Variants in PCDHGB1 observed in about 807,000 individuals in gnomAD.
PCDHGB1 encodes protocadherin gamma subfamily B, 1.
PCDHGB1 carries 34 observed loss-of-function variants against 56.6 expected under a neutral mutation model. The ratio of observed to expected loss-of-function variants is 0.60; its 90% confidence interval spans 0.46 to 0.80. The LOEUF (loss-of-function observed/expected upper bound fraction) is 0.80, where lower values mean the gene tolerates loss of function less well. PCDHGB1 is among the 30% of genes least tolerant of loss of function. PCDHGB1 has a pLI of 0.00. For synonymous variants in PCDHGB1, 561 were observed against 505.9 expected, an observed-to-expected ratio of 1.11 and a Z score of -1.46; for missense variants, 1,278 against 1,204.6, an observed-to-expected ratio of 1.06 and a Z score of -0.90.
At chr5:141,415,574 A>G (rs1168111069) in intron 1 of PCDHGB1, 3 of 1,614,066 alleles carry the variant, frequency 1.9e-6, no homozygotes, top group Non-Finnish European at 8.5e-7. Flanking sequence ...TTGTTAGATG[A>G]TTCGAAGTTT....
chr5:141,355,683 T>G (rs1759935832), intron 1 of PCDHGB1: 1 of 1,613,894 alleles, frequency 6.2e-7, no homozygotes, highest in East Asian at 2.2e-5. Context: ...TTGATCCGGA[T>G]GTAGGTGTAA....
intron 1 of PCDHGB1, chr5:141,396,409 A>C (rs2093377043): frequency 6.6e-6 from 1 of 152,270 alleles, no homozygotes; most frequent in Non-Finnish European, 1.5e-5. Context: ...ACCTGAGGTC[A>C]GGAGTTCAAG....
chr5:141,389,361 G>T (rs1460945767), intron 1 of PCDHGB1: 1 of 1,613,880 alleles, frequency 6.2e-7, no homozygotes, highest in South Asian at 1.1e-5. Context: ...CATGGCCAGT[G>T]ACCTGGAGCA....
At chr5:141,364,797 T>C in intron 1 of PCDHGB1, 1 of 1,613,994 alleles carries the variant, frequency 6.2e-7, no homozygotes, top group Non-Finnish European at 8.5e-7. Context: ...GTGCTTCCCT[T>C]CGCGCGGGAT....
At position 141,430,859 on chromosome 5, in the gene PCDHGB1, T is replaced by G. The variant is rs770543752; in HGVS notation, c.2410-63948T>G. The stretch of plus-strand genomic sequence containing the variant: ...GACCGGATGCACCCAGATACGCTAT[T>G]CAGTTCCGGAAGAGCTGGAGAAAGG... On this transcript the variant is annotated intron_variant, in intron 1 of 3. Transcript: ENST00000523390. 5.0e-6 allele frequency: 8 copies of G among 1,592,398 alleles called. No homozygotes were observed. The East Asian group carries it at 1.6e-4, about 31-fold the overall frequency.
At position 141,419,393 on chromosome 5, in the gene PCDHGB1, G is replaced by C; in HGVS notation, c.2409+66724G>C. On this transcript the variant is annotated intron_variant, in intron 1 of 3. Transcript: ENST00000523390. ...CTACGTGTCCGTGAGCGCGCAGAGC[G>C]GGGTGGTGTTCGCGCAGCGCGCCTT... 1.2e-6 allele frequency: 2 copies of C among 1,613,620 alleles called. No homozygotes were observed. The highest frequency in any genetic ancestry group is 1.7e-6 in the Non-Finnish European group (2 of 1,179,912).
At position 141,383,174 on chromosome 5, in the gene PCDHGB1, G is replaced by C. The variant is rs771829169; in HGVS notation, c.2409+30505G>C. The C allele has an allele frequency of 1.1e-5, 18 of 1,613,966 alleles. No individual in the cohort carries two copies. Among genetic ancestry groups the C allele is most frequent in the Non-Finnish European group, 1.3e-5 (15 of 1,179,984 alleles). On this transcript the variant is annotated intron_variant, in intron 1 of 3. Coordinates refer to ENST00000523390, the MANE Select transcript of PCDHGB1 (RefSeq NM_018922.3). ...TTGGTCACTGCGGGCAGGATAGACC[G>C]GGAAGAGATCTGCGCTCAGAGTGCG...
intron 1 of PCDHGB1, chr5:141,408,648 G>A: frequency 2.5e-6 from 4 of 1,613,922 alleles, no homozygotes; most frequent in South Asian, 2.2e-5. Flanking sequence ...GCATCCGCTG[G>A]TACACGACTA....
At position 141,454,796 on chromosome 5, in the gene PCDHGB1, ATTT is replaced by A. The variant is rs61612330; in HGVS notation, c.2410-39984_2410-39982del. On this transcript the variant is annotated intron_variant, in intron 1 of 3. Coordinates refer to ENST00000523390, the MANE Select transcript of PCDHGB1 (RefSeq NM_018922.3). ...AAGGAAATAATCCTCCATGGTTCTA[ATTT>A]TTTTTTTTTTTTTTTTTTTTTTTTT... is the stretch of plus-strand genomic sequence containing the variant. 8.4e-3 allele frequency among the ~76,000 whole-genome samples: 651 copies of A among 77,268 alleles called. 2 individuals are homozygous for A. Among genetic ancestry groups the A allele is most frequent in the African/African-American group, 0.012 (206 of 16,834 alleles). The allele number at this position is 77,268 out of a possible 152,430, so 50.7% of individuals were successfully genotyped here. A position where few individuals can be genotyped will look rare whatever the true frequency, so the allele number is the denominator to read the frequency against.
In PCDHGB1 at chr5:141,482,160, T is replaced by C. The variant is rs577572891; in HGVS notation, c.2410-12647T>C. Reference sequence around the variant, plus strand: ...GCATAAAAAGGTCAAGTCAAAGATATGTAAGATTAAGGCTTTACGATGCTC... The same window carrying C: ...GCATAAAAAGGTCAAGTCAAAGATACGTAAGATTAAGGCTTTACGATGCTC... On this transcript the variant is annotated intron_variant, in intron 1 of 3. Coordinates refer to ENST00000523390, the MANE Select transcript of PCDHGB1 (RefSeq NM_018922.3). 1.6e-4 allele frequency among the ~76,000 whole-genome samples: 25 copies of C among 151,966 alleles called. No homozygotes were observed. In the South Asian group the frequency reaches 4.0e-3, roughly 24 times the overall value.
chr5:141,421,374 C>G, intron 1 of PCDHGB1: 1 of 1,614,062 alleles, frequency 6.2e-7, no homozygotes, highest in Non-Finnish European at 8.5e-7. Context: ...TGGGCAATAT[C>G]TCCAAGGACC....
At chr5:141,474,998 T>C (rs1029967243) in intron 1 of PCDHGB1, among the ~76,000 whole-genome samples, 1 of 152,260 alleles carries the variant, frequency 6.6e-6, no homozygotes, top group Non-Finnish European at 1.5e-5. Context: ...CAATTCTAAA[T>C]GCAGAAAAGT....
At position 141,405,317 on chromosome 5, in the gene PCDHGB1, G is replaced by A. The variant is rs1443108777; in HGVS notation, c.2409+52648G>A. ...CAGCCAGCAGAGCTGTGAGAAAAAT[G>A]AGCCTTTGTGCGTCTCTGTTGATTC... On this transcript the variant is annotated intron_variant, in intron 1 of 3. Coordinates refer to ENST00000523390, the MANE Select transcript of PCDHGB1 (RefSeq NM_018922.3). 2.5e-6 allele frequency: 4 copies of A among 1,614,080 alleles called. No individual in the cohort carries two copies. The African/African-American group carries it at 5.3e-5, about 22-fold the overall frequency.
intron 1 of PCDHGB1, chr5:141,478,613 G>T: frequency 6.4e-7 from 1 of 1,557,312 alleles, no homozygotes; most frequent in African/African-American, 1.4e-5. Flanking sequence ...ATTGAGGAAG[G>T]AATGGAGCTG....
intron 1 of PCDHGB1, chr5:141,398,838 T>C: frequency 6.2e-7 from 1 of 1,613,946 alleles, no homozygotes; most frequent in Non-Finnish European, 8.5e-7. Context: ...ACGCCAATGA[T>C]AATCCCCCGG....
At chr5:141,400,903 T>C (rs1489476752) in intron 1 of PCDHGB1, among the ~76,000 whole-genome samples, 1 of 152,258 alleles carries the variant, frequency 6.6e-6, no homozygotes, top group Non-Finnish European at 1.5e-5. Flanking sequence ...TTAATTCATC[T>C]TTTAAAGCAA....
At chr5:141,508,664 T>C (rs1381178258) in intron 3 of PCDHGB1, among the ~76,000 whole-genome samples, 1 of 152,030 alleles carries the variant, frequency 6.6e-6, no homozygotes, top group Non-Finnish European at 1.5e-5. Context: ...TGTCATTCTG[T>C]CTCTGCCTCC....
rs921093798 is a variant in PCDHGB1, at chr5:141,351,875, A to G, written c.1615A>G (p.Ser539Gly). The G allele has an allele frequency of 3.7e-6, 6 of 1,613,296 alleles. No homozygotes were observed. Among genetic ancestry groups the G allele is most frequent in the Non-Finnish European group, 5.1e-6 (6 of 1,179,732 alleles). ...QARDQGSPAL[S>G]ANVSLRVLVG... ...CAGGGACCAGGGCTCCCCCGCGCTC[A>G]GCGCCAACGTGAGCCTGCGCGTGTT... Residue 539 changes from serine (S) to glycine (G), a missense_variant, in exon 1 of 4, where the codon AGC (serine) becomes GGC (glycine). Ser to Gly is a moderately conservative substitution (Grantham distance 56, BLOSUM62 0). Coordinates refer to ENST00000523390, the MANE Select transcript of PCDHGB1 (RefSeq NM_018922.3).
chr5:141,490,042 G>C lies in PCDHGB1; in HGVS notation c.2410-4765G>C. 1 of 1,614,266 alleles carries C rather than the reference G, an allele frequency of 6.2e-7. No individual in the cohort carries two copies. Among genetic ancestry groups the C allele is most frequent in the Non-Finnish European group, 8.5e-7 (1 of 1,180,038 alleles). The stretch of plus-strand genomic sequence containing the variant: ...TCTGCTGCTCCGCCTCAATGCCACT[G>C]ATCCAGACGAGGGCACCAACGGCCA... On this transcript the variant is annotated intron_variant, in intron 1 of 3. Coordinates refer to ENST00000523390, the MANE Select transcript of PCDHGB1 (RefSeq NM_018922.3). This position sits in a 1 kb window ranked among gnomAD's most constrained non-coding sequence, Gnocchi z 5.4.
Sources: gnomAD v4.1 joint callset for allele counts (sites outside exome capture counted in the v4.1 genomes callset) on GRCh38, gnomAD v4.1.1 for gene constraint, Gnocchi (gnomAD v3.1) non-coding constraint, MANE v1.5 for transcripts, NCBI Gene and HGNC (gene_info 2026-07-23, HGNC 2026-07-21) for gene names.